The following NALF1 variants were observed in gnomAD, a reference collection of about 807,000 sequenced individuals.
NALF1 encodes family with sequence similarity 155 member A.
A neutral mutation model predicts 48.4 loss-of-function variants in NALF1; 3 were observed. That is an observed-to-expected ratio of 0.06 (90% confidence interval 0.03 to 0.16). The LOEUF is 0.16. Ranked by LOEUF, NALF1 falls within the 10% of genes least tolerant of loss-of-function variation. The pLI is 1.00. For synonymous variants in NALF1, 262 were observed against 245.7 expected (o/e 1.07, Z -0.62); for missense variants, 526 against 571.5 (o/e 0.92, Z 0.81).
chr13:107,483,961 T>C (rs759222109), intron 1 of NALF1, among the ~76,000 whole-genome samples: 39 of 152,080 alleles, frequency 2.6e-4, no homozygotes, highest in Non-Finnish European at 4.4e-4. Context: ...GAATAGTTAC[T>C]ATTGGTATTA....
At chr13:107,220,476 T>C (rs974237526) in intron 1 of NALF1, among the ~76,000 whole-genome samples, 1 of 152,172 alleles carries the variant, frequency 6.6e-6, no homozygotes, top group Non-Finnish European at 1.5e-5. Flanking sequence ...GTATTCTAAT[T>C]GAAATACAGA....
At chr13:107,714,814 C>T (rs1011092024) in intron 1 of NALF1, among the ~76,000 whole-genome samples, 70 of 152,220 alleles carry the variant, frequency 4.6e-4, no homozygotes, top group African/African-American at 1.6e-3. Flanking sequence ...TGACATCATG[C>T]TCCACCTACG....
chr13:107,482,755 AC>A (rs1885273061), intron 1 of NALF1, among the ~76,000 whole-genome samples: 1 of 152,162 alleles, frequency 6.6e-6, no homozygotes, highest in South Asian at 2.1e-4. Context: ...CAGAAGGGAA[AC>A]TGTGAGGCTT....
At chr13:107,172,958 T>G (rs996236159) in intron 2 of NALF1, among the ~76,000 whole-genome samples, 3 of 152,218 alleles carry the variant, frequency 2.0e-5, no homozygotes, top group Non-Finnish European at 2.9e-5. Flanking sequence ...ACAATTAATA[T>G]TCTTTCTTTT....
At chr13:107,754,874 G>A (rs529627082) in intron 1 of NALF1, among the ~76,000 whole-genome samples, 1 of 152,308 alleles carries the variant, frequency 6.6e-6, no homozygotes, top group South Asian at 2.1e-4. Flanking sequence ...TGTAAATCCT[G>A]TGGATGGGGT....
At chr13:107,331,575 A>G (rs1882469603) in intron 1 of NALF1, among the ~76,000 whole-genome samples, 1 of 152,198 alleles carries the variant, frequency 6.6e-6, no homozygotes, top group Admixed American at 6.6e-5. Flanking sequence ...CACCAATCTA[A>G]TACCTTGTAG....
intron 1 of NALF1, among the ~76,000 whole-genome samples, chr13:107,622,407 C>A (rs1242177811): frequency 1.3e-5 from 2 of 151,652 alleles, no homozygotes; most frequent in Non-Finnish European, 2.9e-5. Flanking sequence ...CACCGTTGCA[C>A]CCCAGCCTGG....
intron 1 of NALF1, among the ~76,000 whole-genome samples, chr13:107,265,901 G>A (rs1881029310): frequency 6.6e-6 from 1 of 152,090 alleles, no homozygotes; most frequent in African/African-American, 2.4e-5. Flanking sequence ...TAGCATCTGT[G>A]TGGCAAAGTC....
rs116230102 is a variant in NALF1, at chr13:107,639,035, T to G, written c.915+226647A>C. Among the ~76,000 whole-genome samples the G allele has an allele frequency of 4.0e-3, 605 of 152,322 alleles. 4 individuals are homozygous for G. The highest frequency in any genetic ancestry group is 0.013 in the African/African-American group (536 of 41,580). ...TAAAGAATTGCTGATTGATTATTATTACAACAGCTGATGGATTACAGTACA... is the reference window on the plus strand; with the variant it reads ...TAAAGAATTGCTGATTGATTATTATGACAACAGCTGATGGATTACAGTACA... On this transcript the variant is annotated intron_variant, in intron 1 of 2. Coordinates refer to ENST00000375915, the MANE Select transcript of NALF1 (RefSeq NM_001080396.3).
chr13:107,455,572 G>C (rs940999665), intron 1 of NALF1, among the ~76,000 whole-genome samples: 31 of 151,998 alleles, frequency 2.0e-4, no homozygotes, highest in African/African-American at 7.0e-4. Context: ...TTACATTATT[G>C]TTCACTCTCA....
intron 2 of NALF1, among the ~76,000 whole-genome samples, chr13:107,186,664 C>T (rs890626210): frequency 2.0e-5 from 3 of 152,310 alleles, no homozygotes; most frequent in Admixed American, 6.5e-5. Context: ...CCATGCCCGG[C>T]CCATTTGCAT....
intron 1 of NALF1, among the ~76,000 whole-genome samples, chr13:107,584,733 C>T (rs556407141): frequency 2.0e-5 from 3 of 152,278 alleles, no homozygotes; most frequent in South Asian, 4.1e-4. Context: ...CTATCATTTC[C>T]GTAGCCACTC....
chr13:107,655,722 A>T (rs1880558229), intron 1 of NALF1, among the ~76,000 whole-genome samples: 1 of 151,972 alleles, frequency 6.6e-6, no homozygotes, highest in Admixed American at 6.6e-5. Context: ...TAAGAAAAAA[A>T]AAATTGTGGA....
chr13:107,299,681 C>CTTGT (rs773424784), intron 1 of NALF1, among the ~76,000 whole-genome samples: 38 of 148,340 alleles, frequency 2.6e-4, no homozygotes, highest in African/African-American at 9.0e-4. Flanking sequence ...AGAACTGTTC[C>CTTGT]TTATTTATTT....
intron 1 of NALF1, among the ~76,000 whole-genome samples, chr13:107,605,136 C>T (rs921372095): frequency 6.6e-6 from 1 of 152,096 alleles, no homozygotes; most frequent in African/African-American, 2.4e-5. Flanking sequence ...CTGCAATACC[C>T]AAAAGGATGA....
At chr13:107,845,565 A>T (rs1880149729) in intron 1 of NALF1, among the ~76,000 whole-genome samples, 1 of 152,186 alleles carries the variant, frequency 6.6e-6, no homozygotes, top group Non-Finnish European at 1.5e-5. Flanking sequence ...TCCATTTTCA[A>T]TACAAAGCAT....
intron 1 of NALF1, among the ~76,000 whole-genome samples, chr13:107,256,886 T>G (rs1385424729): frequency 2.0e-5 from 3 of 152,222 alleles, no homozygotes; most frequent in African/African-American, 7.2e-5. Context: ...GTAAAATGTA[T>G]ACTAAGCTTA....
At chr13:107,859,566 A>T (rs1246286636) in intron 1 of NALF1, among the ~76,000 whole-genome samples, 2 of 152,176 alleles carry the variant, frequency 1.3e-5, no homozygotes, top group Non-Finnish European at 2.9e-5. Context: ...CAATTTGTTG[A>T]CAAGAAAGAA....
chr13:107,718,296 C>T (rs892431429), intron 1 of NALF1, among the ~76,000 whole-genome samples: 7 of 152,134 alleles, frequency 4.6e-5, no homozygotes, highest in Admixed American at 2.0e-4. Context: ...CATGGACTTA[C>T]GGGGAGTAGT....
Sources: gnomAD v4.1 joint callset for allele counts (sites outside exome capture counted in the v4.1 genomes callset) on GRCh38, gnomAD v4.1.1 for gene constraint, MANE v1.5 for transcripts, NCBI Gene and HGNC (gene_info 2026-07-23, HGNC 2026-07-21) for gene names.